Variants in CHST12 observed in about 807,000 individuals in gnomAD.
CHST12 encodes the protein carbohydrate (chondroitin 4) sulfotransferase 12.
Under a neutral mutation model 27.9 loss-of-function variants are expected in CHST12, and 23 were observed. The ratio of observed to expected loss-of-function variants is 0.82; its 90% CI spans 0.59 to 1.17. The LOEUF is 1.17. Ranked by LOEUF, CHST12 falls within the 50% of genes most tolerant of loss-of-function variation. The probability of loss-of-function intolerance (pLI) is 0.00; values close to 1 mark genes in which losing one functional copy is unlikely to be tolerated. For missense variants in CHST12, 682 were observed against 603.0 expected (o/e 1.13, Z -1.37); for synonymous variants, 322 against 273.0 (o/e 1.18, Z -1.77).
intron 1 of CHST12, among the ~76,000 whole-genome samples, chr7:2,430,308 ATTTATTCATT>A (rs1782240319): frequency 6.6e-6 from 1 of 151,052 alleles, no homozygotes; most frequent in African/African-American, 2.4e-5. Flanking sequence ...ATTTTTATTT[ATTTATTCATT>A]TTTATTTATT....
intron 1 of CHST12, among the ~76,000 whole-genome samples, chr7:2,419,783 A>G (rs115340862): frequency 0.026 from 3,866 of 150,966 alleles, 124 homozygotes; most frequent in African/African-American, 0.081. Flanking sequence ...CGTTCACATC[A>G]CTCTGCAGCA....
At chr7:2,416,569 G>A (rs1033551634) in intron 1 of CHST12, among the ~76,000 whole-genome samples, 1 of 152,222 alleles carries the variant, frequency 6.6e-6, no homozygotes, top group African/African-American at 2.4e-5. Context: ...TCCATGGGCT[G>A]CAGAATGGAT....
At chr7:2,406,903 T>G (rs921538888) in intron 1 of CHST12, among the ~76,000 whole-genome samples, 2 of 151,950 alleles carry the variant, frequency 1.3e-5, no homozygotes, top group Non-Finnish European at 2.9e-5. Flanking sequence ...GGAAGGAGCC[T>G]TAGAAAGCAG....
chr7:2,413,751 CAG>C (rs1236273404), intron 1 of CHST12, among the ~76,000 whole-genome samples: 6 of 113,268 alleles, frequency 5.3e-5, no homozygotes, highest in Admixed American at 2.3e-4. Flanking sequence ...TTTTTTGAGA[CAG>C]AGTCTCCCTC....
chr7:2,417,952 C>T (rs575182983), intron 1 of CHST12, among the ~76,000 whole-genome samples: 1 of 152,366 alleles, frequency 6.6e-6, no homozygotes, highest in Admixed American at 6.5e-5. Context: ...GGAAAATGCG[C>T]TTCTGGGGGG....
intron 1 of CHST12, among the ~76,000 whole-genome samples, chr7:2,418,244 C>G (rs533174190): frequency 2.6e-5 from 4 of 152,228 alleles, no homozygotes; most frequent in Non-Finnish European, 5.9e-5. Flanking sequence ...CAGCCCCACC[C>G]GGAGCTAAGA....
At chr7:2,417,708 G>T (rs1290049151) in intron 1 of CHST12, among the ~76,000 whole-genome samples, 2 of 152,048 alleles carry the variant, frequency 1.3e-5, no homozygotes, top group Non-Finnish European at 2.9e-5. Flanking sequence ...CTTTTCTGTT[G>T]TACTTGGGCC....
At chr7:2,414,119 G>C (rs565978915) in intron 1 of CHST12, among the ~76,000 whole-genome samples, 3 of 152,068 alleles carry the variant, frequency 2.0e-5, no homozygotes, top group East Asian at 3.9e-4. Flanking sequence ...CTCTTCTTTT[G>C]TGAAACGTCT....
In CHST12 at chr7:2,434,121, C is replaced by A. The variant is rs1270904573; in HGVS notation, c.*237C>A. ...TCCCCTCCGCCCGCCCACCCGCCCG[C>A]CCGCTCGCCCGCTCGCCCGCTCCTG... On this transcript the variant is annotated 3_prime_UTR_variant, in exon 2 of 2. Transcript: ENST00000618655. 5 of 345,770 alleles carry A rather than the reference C, an allele frequency of 1.4e-5. No individual in the cohort carries two copies. The highest frequency in any genetic ancestry group is 4.6e-5 in the Admixed American group (1 of 21,654). 21.4% of individuals were successfully genotyped at this position (345,770 alleles called of 1,614,324 possible). A position where few individuals can be genotyped will look rare whatever the true frequency, so the allele number is the denominator to read the frequency against.
intron 1 of CHST12, among the ~76,000 whole-genome samples, chr7:2,408,362 C>CAAAAA (rs56330622): frequency 1.7e-5 from 2 of 116,690 alleles, no homozygotes; most frequent in African/African-American, 3.5e-5. Flanking sequence ...GACTCCGTCT[C>CAAAAA]AAAAAAAAAA....
rs923826559 is a variant in CHST12, at chr7:2,427,113, A to T, written c.-77-5450A>T. ...GGCATGAGAATCACTTGAACCCGGGAGGCGGAGGTTGCAGTGAGCCAAGAT... is the reference window on the plus strand; with the variant it reads ...GGCATGAGAATCACTTGAACCCGGGTGGCGGAGGTTGCAGTGAGCCAAGAT... On this transcript the variant is annotated intron_variant, in intron 1 of 1. Transcript: ENST00000618655. Among the ~76,000 whole-genome samples the T allele has an allele frequency of 2.7e-5, 4 of 150,742 alleles. No homozygotes were observed. In the East Asian group the frequency reaches 7.7e-4, roughly 29 times the overall value.
Position 2,439,794 on chromosome 7 carries a change from G to C in CHST12, c.*5910G>C, listed in dbSNP as rs1782558249. The stretch of plus-strand genomic sequence containing the variant: ...CTCGGGAGGCTGAGGCAGGAGAATG[G>C]CGTGAACCCGGGAGGCGGAGCTTGC... On this transcript the variant is annotated 3_prime_UTR_variant, in exon 2 of 2. Transcript: ENST00000618655. 1.3e-5 allele frequency: 2 copies of C among 151,946 alleles called. No homozygotes were observed. The highest frequency in any genetic ancestry group is 2.9e-5 in the Non-Finnish European group (2 of 67,976). The allele number at this position is 151,946 out of a possible 1,614,324, so 9.4% of individuals were successfully genotyped here.
chr7:2,405,949 G>A (rs576997596), intron 1 of CHST12, among the ~76,000 whole-genome samples: 2 of 152,252 alleles, frequency 1.3e-5, no homozygotes, highest in African/African-American at 2.4e-5. Context: ...AGAGAGGCCC[G>A]TTGGTTGGCT....
chr7:2,409,180 A>G (rs981036607), intron 1 of CHST12, among the ~76,000 whole-genome samples: 5 of 152,212 alleles, frequency 3.3e-5, no homozygotes, highest in African/African-American at 1.2e-4. Flanking sequence ...AATTGAAATT[A>G]TGATGCACCT....
At chr7:2,423,784 T>C (rs773928494) in intron 1 of CHST12, among the ~76,000 whole-genome samples, 9 of 152,192 alleles carry the variant, frequency 5.9e-5, no homozygotes, top group Non-Finnish European at 1.3e-4. Flanking sequence ...ACTCTTGCCA[T>C]TGAAAAAATG....
chr7:2,431,453 G>C (rs1043083474), intron 1 of CHST12, among the ~76,000 whole-genome samples: 1 of 152,240 alleles, frequency 6.6e-6, no homozygotes, highest in African/African-American at 2.4e-5. Flanking sequence ...TAGAGTTGGA[G>C]TTCAGCTCCT....
chr7:2,444,889 A>G lies in CHST12; in HGVS notation c.*11005A>G, dbSNP rs1782712076. The G allele has an allele frequency of 6.6e-6, 1 of 152,170 alleles. No homozygotes were observed. The allele number at this position is 152,170 out of a possible 1,614,324, so 9.4% of individuals were successfully genotyped here. A position where few individuals can be genotyped will look rare whatever the true frequency, so the allele number is the denominator to read the frequency against. ...TAGTGGGAACTCTGGCTTTGATGAA[A>G]CTGCTTTTTTTTCAAAGCAGTTTGC... On this transcript the variant is annotated 3_prime_UTR_variant, in exon 2 of 2. Transcript: ENST00000618655.
chr7:2,434,123 C>A lies in CHST12; in HGVS notation c.*239C>A, dbSNP rs953942473. ...CCCTCCGCCCGCCCACCCGCCCGCC[C>A]GCTCGCCCGCTCGCCCGCTCCTGTG... is the stretch of plus-strand genomic sequence containing the variant. On this transcript the variant is annotated 3_prime_UTR_variant, in exon 2 of 2. Coordinates refer to ENST00000618655, the MANE Select transcript of CHST12 (RefSeq NM_018641.5). 2.9e-6 allele frequency: 1 copy of A among 344,672 alleles called. No individual in the cohort carries two copies. Among genetic ancestry groups the A allele is most frequent in the South Asian group, 5.6e-5 (1 of 17,816 alleles). 21.4% of individuals were successfully genotyped at this position (344,672 alleles called of 1,614,324 possible).
At chr7:2,423,941 C>T (rs1289699733) in intron 1 of CHST12, among the ~76,000 whole-genome samples, 1 of 152,024 alleles carries the variant, frequency 6.6e-6, no homozygotes, top group Non-Finnish European at 1.5e-5. Context: ...GTGGCACACG[C>T]CTATGGTCCC....
Sources: allele counts gnomAD v4.1 joint callset (sites outside exome capture counted in the v4.1 genomes callset), GRCh38; gene constraint gnomAD v4.1.1; transcripts MANE v1.5; gene names NCBI Gene and HGNC (gene_info 2026-07-23, HGNC 2026-07-21).